LY75: variants seen among roughly 807,000 people sequenced by gnomAD.
LY75 encodes the protein lymphocyte antigen 75, also known as C-type lectin domain family 13 member B.
Under a neutral mutation model 231.7 loss-of-function variants are expected in LY75, and 185 were observed. That is an observed-to-expected ratio of 0.80 (90% CI 0.71 to 0.90). The LOEUF (loss-of-function observed/expected upper bound fraction) is 0.90, where lower values mean the gene tolerates loss of function less well. LY75 is among the 40% of genes least tolerant of loss of function. LY75 has a pLI of 0.00. For missense variants in LY75, 1,947 were observed against 2,050.2 expected (o/e 0.95, Z 0.97); for synonymous variants, 668 against 689.0 (o/e 0.97, Z 0.48).
chr2:159,878,628 C>T lies in LY75; in HGVS notation c.1604+5G>A. ...TTATGAGTACAAGTTTACTGATGGTCACACCTGCTAGTGATAGTCAGATTG... is the reference window on the plus strand; with the variant it reads ...TTATGAGTACAAGTTTACTGATGGTTACACCTGCTAGTGATAGTCAGATTG... On this transcript the variant is annotated splice_donor_5th_base_variant and intron_variant, in intron 10 of 34. Coordinates refer to ENST00000263636, the MANE Select transcript of LY75 (RefSeq NM_002349.4). 1.9e-6 allele frequency: 3 copies of T among 1,613,940 alleles called. No homozygotes were observed. The highest frequency in any genetic ancestry group is 2.5e-6 in the Non-Finnish European group (3 of 1,179,964).
chr2:159,852,469 A>G (rs1574559106), intron 20 of LY75, 129 bp from the exon 21 acceptor site: 1 of 1,314,466 alleles, frequency 7.6e-7, no homozygotes, highest in Non-Finnish European at 1.0e-6. Flanking sequence ...CCGGGGCTGG[A>G]GTGCAGTGGT....
At chr2:159,879,419 A>T (rs760963330) in intron 8 of LY75, 50 bp from the exon 9 acceptor site, 16 of 1,608,090 alleles carry the variant, frequency 9.9e-6, no homozygotes, top group Non-Finnish European at 1.3e-5. Context: ...TATTTACCGC[A>T]TATTCAGAAC....
intron 7 of LY75, among the ~76,000 whole-genome samples, chr2:159,881,896 A>T (rs532515176): frequency 1.3e-5 from 2 of 152,190 alleles, no homozygotes; most frequent in African/African-American, 4.8e-5. Flanking sequence ...GTAATAATTC[A>T]GTTCCTCAGT....
intron 25 of LY75, among the ~76,000 whole-genome samples, chr2:159,840,493 G>T (rs1683988369): frequency 6.6e-6 from 1 of 151,956 alleles, no homozygotes; most frequent in Non-Finnish European, 1.5e-5. Flanking sequence ...GATCGCTTGA[G>T]CCCGGGAGGT....
rs765327132 is a variant in LY75, at chr2:159,815,401, T to G, written c.4549+4A>C. 6.3e-7 allele frequency: 1 copy of G among 1,587,628 alleles called. No homozygotes were observed. Among genetic ancestry groups the G allele is most frequent in the Admixed American group, 1.9e-5 (1 of 51,842 alleles). ...ATGTACTGTTACTGAAATTGAAGTC[T>G]TACATTTTGTAGGTTTATAACAAAT... On this transcript the variant is annotated splice_donor_region_variant and intron_variant, in intron 31 of 34. Transcript: ENST00000263636.
intron 13 of LY75, among the ~76,000 whole-genome samples, chr2:159,868,160 T>C (rs988848699): frequency 6.6e-6 from 1 of 152,180 alleles, no homozygotes; most frequent in Non-Finnish European, 1.5e-5. Flanking sequence ...GCAAACAATT[T>C]CTTTATTATG....
At chr2:159,841,206 C>T (rs547017247) in intron 24 of LY75, among the ~76,000 whole-genome samples, 2 of 152,260 alleles carry the variant, frequency 1.3e-5, no homozygotes, top group South Asian at 4.1e-4. Context: ...AAGAGAATAT[C>T]TGCAAATAAA....
At chr2:159,873,874 C>T (rs1200932427) in intron 12 of LY75, among the ~76,000 whole-genome samples, 78 of 107,742 alleles carry the variant, frequency 7.2e-4, no homozygotes, top group African/African-American at 2.2e-3. Context: ...TGTAAAAATA[C>T]ATATAAACGT....
intron 1 of LY75, among the ~76,000 whole-genome samples, chr2:159,901,716 C>T (rs997320015): frequency 1.3e-5 from 2 of 152,204 alleles, no homozygotes; most frequent in African/African-American, 4.8e-5. Flanking sequence ...TAACAAACTG[C>T]TACATCTCTG....
intron 3 of LY75, 126 bp from the exon 4 acceptor site, chr2:159,890,503 C>T: frequency 7.6e-7 from 1 of 1,314,586 alleles, no homozygotes; most frequent in Non-Finnish European, 1.0e-6. Context: ...AGACTGCCAT[C>T]ACTCATTTAG....
chr2:159,806,421 T>C (rs1184817541), intron 34 of LY75, among the ~76,000 whole-genome samples: 1 of 152,236 alleles, frequency 6.6e-6, no homozygotes, highest in Non-Finnish European at 1.5e-5. Context: ...AAAATGTTAC[T>C]GTGAAAAATT....
chr2:159,813,338 T>G (rs1560061878), intron 31 of LY75, among the ~76,000 whole-genome samples: 3 of 152,022 alleles, frequency 2.0e-5, no homozygotes, highest in African/African-American at 7.2e-5. Flanking sequence ...TTTTGTTTTT[T>G]TTTTTTTTGA....
intron 29 of LY75, among the ~76,000 whole-genome samples, chr2:159,819,020 G>A (rs944430954): frequency 6.6e-6 from 1 of 152,148 alleles, no homozygotes; most frequent in Non-Finnish European, 1.5e-5. Context: ...TGTCTCAAAA[G>A]TTTACATGCA....
chr2:159,842,309 A>G lies in LY75; in HGVS notation c.3216T>C (p.Thr1072=). 1.2e-6 allele frequency: 2 copies of G among 1,612,930 alleles called. No homozygotes were observed. The highest frequency in any genetic ancestry group is 8.5e-7 in the Non-Finnish European group (1 of 1,179,232). The change falls in exon 24 of 35, where the codon ACT becomes ACC. Residue 1072 remains threonine (T), a synonymous_variant. Coordinates refer to ENST00000263636, the MANE Select transcript of LY75 (RefSeq NM_002349.4). ...LILNLQKSPF[T]GTWNFTSCSE... is the part of the protein sequence containing the mutation. ...TGCAGGATGTAAAATTCCACGTCCC[A>G]GTAAACGGTGATTTTTGGAGGTTGA...
chr2:159,807,201 T>C (rs2125825950), intron 33 of LY75, 61 bp from the exon 34 acceptor site: 2 of 1,536,676 alleles, frequency 1.3e-6, no homozygotes, highest in Non-Finnish European at 1.8e-6. Flanking sequence ...GTTACAAGCA[T>C]GGGTTCATGT....
chr2:159,875,878 A>G (rs972703118), intron 11 of LY75, among the ~76,000 whole-genome samples: 2 of 152,182 alleles, frequency 1.3e-5, no homozygotes, highest in Non-Finnish European at 2.9e-5. Context: ...TTCTATTGTC[A>G]TAATTTGAGG....
intron 28 of LY75, among the ~76,000 whole-genome samples, chr2:159,828,366 A>C (rs1474238274): frequency 1.3e-5 from 2 of 152,114 alleles, no homozygotes; most frequent in African/African-American, 4.8e-5. Context: ...GGATTTCCCC[A>C]AAGGTGATAT....
chr2:159,904,084 C>T (rs1401087783), intron 1 of LY75, among the ~76,000 whole-genome samples: 3 of 152,164 alleles, frequency 2.0e-5, no homozygotes, highest in African/African-American at 7.2e-5. Flanking sequence ...ACCTGACTTC[C>T]TTCCTGATGC....
chr2:159,831,554 A>G (rs1560071008), intron 28 of LY75, 116 bp downstream of exon 28: 6 of 1,116,232 alleles, frequency 5.4e-6, no homozygotes, highest in Non-Finnish European at 7.9e-6. Context: ...TATGCTAAGT[A>G]CATAATTATA....
Sources: allele counts gnomAD v4.1 joint callset (sites outside exome capture counted in the v4.1 genomes callset), GRCh38; gene constraint gnomAD v4.1.1; transcripts MANE v1.5; gene names NCBI Gene and HGNC (gene_info 2026-07-23, HGNC 2026-07-21).